Variants in MGST1 observed in about 807,000 individuals in gnomAD.
MGST1 encodes glutathione S-transferase 12.
MGST1 carries 5 observed loss-of-function variants against 8.9 expected under a neutral mutation model. The observed-to-expected ratio is 0.56, with a 90% CI of 0.29 to 1.19. MGST1 has a LOEUF of 1.19. MGST1 is among the 50% of genes most tolerant of loss of function. MGST1 has a pLI of 0.08. For missense variants in MGST1, 182 were observed against 187.4 expected, an observed-to-expected ratio of 0.97 and a Z score of 0.17; for synonymous variants, 54 against 67.8, an observed-to-expected ratio of 0.80 and a Z score of 1.00.
chr12:16,508,570 A>G (rs1174323675), intron 4 of MGST1, among the ~76,000 whole-genome samples: 1 of 152,224 alleles, frequency 6.6e-6, no homozygotes, highest in African/African-American at 2.4e-5. Flanking sequence ...CTGATGAATC[A>G]ATCATCTTTC....
chr12:16,571,822 T>C (rs1942821172), intron 4 of MGST1, among the ~76,000 whole-genome samples: 1 of 152,072 alleles, frequency 6.6e-6, no homozygotes, highest in South Asian at 2.1e-4. Context: ...AAATCTGACT[T>C]AGTTTTCAGA....
chr12:16,542,791 A>G (rs1335822126), intron 4 of MGST1, among the ~76,000 whole-genome samples: 9 of 152,164 alleles, frequency 5.9e-5, no homozygotes, highest in Admixed American at 4.6e-4. Flanking sequence ...GAACTTTGGC[A>G]TTAGTTATGC....
chr12:16,581,319 T>C (rs1333063203), intron 4 of MGST1, among the ~76,000 whole-genome samples: 1 of 152,178 alleles, frequency 6.6e-6, no homozygotes. Context: ...GAACTTTGAC[T>C]AAATGACTTA....
chr12:16,385,139 G>A (rs1189505034), intron 1 of MGST1, among the ~76,000 whole-genome samples: 1 of 152,218 alleles, frequency 6.6e-6, no homozygotes, highest in Non-Finnish European at 1.5e-5. Context: ...ACTCAGAGAA[G>A]CAGAAGCCAG....
At chr12:16,514,210 A>G (rs1402485335) in intron 4 of MGST1, 6 of 308,034 alleles carry the variant, frequency 1.9e-5, no homozygotes, top group African/African-American at 1.3e-4. Flanking sequence ...CCAATCATAC[A>G]CCAAGAACAT....
chr12:16,566,446 C>T (rs1046791488), intron 4 of MGST1, among the ~76,000 whole-genome samples: 5 of 151,758 alleles, frequency 3.3e-5, no homozygotes, highest in Admixed American at 3.3e-4. Flanking sequence ...ATGTATGAGG[C>T]GATGGGTATT....
At chr12:16,384,727 G>C (rs542964812) in intron 1 of MGST1, among the ~76,000 whole-genome samples, 6 of 152,370 alleles carry the variant, frequency 3.9e-5, no homozygotes, top group African/African-American at 1.2e-4. Context: ...GCACCTAAGT[G>C]CAATAGGGGA....
At chr12:16,589,755 G>C (rs189211796), downstream of MGST1, among the ~76,000 whole-genome samples, 107 of 152,174 alleles carry the variant, frequency 7.0e-4, 1 homozygote, top group Non-Finnish European at 1.1e-3. The surrounding 1 kb of genome is among the most constrained non-coding windows in gnomAD (Gnocchi z 4.2). Flanking sequence ...ATCACCAAGT[G>C]ATTAGGAATA....
At chr12:16,408,817 T>G (rs955098297) in intron 1 of MGST1, among the ~76,000 whole-genome samples, 2 of 152,148 alleles carry the variant, frequency 1.3e-5, no homozygotes, top group Non-Finnish European at 2.9e-5. Context: ...TTTTCTAACT[T>G]TTCAAAAATC....
intron 4 of MGST1, among the ~76,000 whole-genome samples, chr12:16,485,303 G>T (rs1216726425): frequency 6.6e-6 from 1 of 152,154 alleles, no homozygotes; most frequent in Middle Eastern, 3.2e-3. Flanking sequence ...ATTTAGAAGT[G>T]TAACGTTCGG....
At chr12:16,508,722 C>T (rs1941557423) in intron 4 of MGST1, among the ~76,000 whole-genome samples, 1 of 152,098 alleles carries the variant, frequency 6.6e-6, no homozygotes, top group Admixed American at 6.5e-5. Context: ...TCTTTTTGTG[C>T]CTGATCAAAT....
At chr12:16,399,345 T>C (rs10772928) in intron 1 of MGST1, 873,408 of 1,577,388 alleles carry the variant, frequency 0.55, 248,874 homozygotes, top group East Asian at 0.96. Flanking sequence ...GTTAGAGCCA[T>C]GGCCCAAACT....
At chr12:16,375,417 A>G (rs1940362197) in intron 3 of MGST1, among the ~76,000 whole-genome samples, 1 of 152,190 alleles carries the variant, frequency 6.6e-6, no homozygotes, top group Non-Finnish European at 1.5e-5. Context: ...AGAAACCTCA[A>G]TGCGTATCCT....
At chr12:16,564,351 A>G (rs1321428904) in intron 4 of MGST1, among the ~76,000 whole-genome samples, 2 of 152,228 alleles carry the variant, frequency 1.3e-5, no homozygotes, top group Non-Finnish European at 2.9e-5. Context: ...AAGGTGCCAG[A>G]ACATTTTGCA....
chr12:16,475,552 G>T (rs1941317342), intron 4 of MGST1, among the ~76,000 whole-genome samples: 2 of 152,084 alleles, frequency 1.3e-5, no homozygotes, highest in South Asian at 4.2e-4. Context: ...AAGAAGCTAG[G>T]GAAGTAGCAG....
intron 1 of MGST1, among the ~76,000 whole-genome samples, chr12:16,388,131 G>T (rs956368002): frequency 1.3e-5 from 2 of 151,224 alleles, no homozygotes; most frequent in African/African-American, 4.9e-5. Context: ...AAGTAATTGC[G>T]GTTTTTGCCA....
At chr12:16,433,896 C>T (rs374713381) in intron 1 of MGST1, among the ~76,000 whole-genome samples, 2 of 152,040 alleles carry the variant, frequency 1.3e-5, no homozygotes, top group African/African-American at 4.8e-5. Flanking sequence ...GATAGGAATC[C>T]AGTAGTCCAT....
chr12:16,483,653 G>T (rs1378488105), intron 4 of MGST1, among the ~76,000 whole-genome samples: 1 of 152,118 alleles, frequency 6.6e-6, no homozygotes, highest in Non-Finnish European at 1.5e-5. Flanking sequence ...CAGTTCACCA[G>T]TAATATAGAA....
Position 16,363,890 on chromosome 12 carries a change from A to G in MGST1, c.317A>G (p.His106Arg). ...SGPDPSTAIL[H>R]FRLFVGARIY... ...CCCGACCCCTCTACAGCCATCCTGC[A>G]CTTCAGACTATTTGTCGGAGCACGG... Residue 106 changes from histidine to arginine, a missense_variant, in exon 4 of 4, where the codon CAC (histidine) becomes CGC (arginine). Transcript: ENST00000396210. The surrounding 1 kb of genome is among the most constrained non-coding windows in gnomAD (Gnocchi z 4.6). The G allele has an allele frequency of 6.2e-7, 1 of 1,613,914 alleles. No individual in the cohort carries two copies. Among genetic ancestry groups the G allele is most frequent in the Non-Finnish European group, 8.5e-7 (1 of 1,179,874 alleles).
Sources: gnomAD v4.1 joint callset for allele counts (sites outside exome capture counted in the v4.1 genomes callset) on GRCh38, gnomAD v4.1.1 for gene constraint, Gnocchi (gnomAD v3.1) non-coding constraint, MANE v1.5 for transcripts, NCBI Gene and HGNC (gene_info 2026-07-23, HGNC 2026-07-21) for gene names.